NARS2: variants seen among roughly 807,000 people sequenced by gnomAD.
NARS2 encodes asparaginyl-tRNA synthetase 2, mitochondrial, also known as asparaginyl-tRNA synthetase.
Under a neutral mutation model 62.9 loss-of-function variants are expected in NARS2, and 60 were observed. The observed-to-expected ratio is 0.95, with a 90% CI of 0.77 to 1.18. NARS2 has a LOEUF of 1.18. Ranked by LOEUF, NARS2 falls within the 50% of genes most tolerant of loss-of-function variation. The pLI, the probability that NARS2 is intolerant of heterozygous loss-of-function variation, is 0.00. For missense variants in NARS2, 619 were observed against 576.4 expected (o/e 1.07, Z -0.76); for synonymous variants, 196 against 200.0 (o/e 0.98, Z 0.17).
rs532088269 is a variant in NARS2, at chr11:78,472,328, C to A, written c.960-3015G>T. On this transcript the variant is annotated intron_variant, in intron 9 of 13. Transcript: ENST00000281038. Reference sequence around the variant, plus strand: ...GAATGATACAGCATCAAACTACCTTCATATTCCACATTTTTCATTGCTGAA... The same window carrying A: ...GAATGATACAGCATCAAACTACCTTAATATTCCACATTTTTCATTGCTGAA... 1.2e-4 allele frequency among the ~76,000 whole-genome samples: 19 copies of A among 152,292 alleles called. No homozygotes were observed. The South Asian group carries it at 3.5e-3, about 28-fold the overall frequency.
intron 9 of NARS2, 26 bp downstream of exon 9, chr11:78,478,412 G>A (rs1248913922): frequency 3.1e-6 from 3 of 960,430 alleles, no homozygotes; most frequent in African/African-American, 1.7e-5. Context: ...AATGAATAAA[G>A]TTCAAAAAGT....
chr11:78,453,023 G>A (rs775077063), intron 11 of NARS2, among the ~76,000 whole-genome samples: 1 of 152,220 alleles, frequency 6.6e-6, no homozygotes, highest in South Asian at 2.1e-4. Flanking sequence ...ACTGGTTGCA[G>A]AGCAAAACTT....
intron 5 of NARS2, among the ~76,000 whole-genome samples, chr11:78,535,047 A>G (rs762375939): frequency 1.3e-5 from 2 of 152,264 alleles, no homozygotes; most frequent in South Asian, 2.1e-4. Flanking sequence ...ACAGACTTTC[A>G]CATATAAAAG....
At chr11:78,527,877 A>G (rs1861346259) in intron 6 of NARS2, among the ~76,000 whole-genome samples, 1 of 152,186 alleles carries the variant, frequency 6.6e-6, no homozygotes, top group East Asian at 1.9e-4. Context: ...TGGGAGGCTG[A>G]GGCGGAAGAA....
At chr11:78,562,293 A>C (rs1856584057) in intron 4 of NARS2, among the ~76,000 whole-genome samples, 1 of 151,966 alleles carries the variant, frequency 6.6e-6, no homozygotes, top group Admixed American at 6.6e-5. Context: ...AGCCAGGCAC[A>C]GTGGTGCATG....
intron 11 of NARS2, among the ~76,000 whole-genome samples, chr11:78,459,246 G>A (rs532101542): frequency 9.4e-5 from 14 of 148,310 alleles, no homozygotes; most frequent in Admixed American, 5.4e-4. Flanking sequence ...TTTTTTTGTC[G>A]TTGTTTTTTT....
intron 13 of NARS2, among the ~76,000 whole-genome samples, chr11:78,438,557 CTG>C (rs1324074194): frequency 6.6e-6 from 1 of 152,146 alleles, no homozygotes; most frequent in Non-Finnish European, 1.5e-5. Context: ...TATCTGCAAA[CTG>C]TCAGCAGAGG....
At chr11:78,498,563 C>T (rs967071535) in intron 6 of NARS2, among the ~76,000 whole-genome samples, 19 of 152,076 alleles carry the variant, frequency 1.2e-4, no homozygotes, top group Non-Finnish European at 2.2e-4. Flanking sequence ...TATCCATCTG[C>T]TTATTTGGTC....
chr11:78,448,939 A>G (rs1857862578), intron 11 of NARS2, among the ~76,000 whole-genome samples: 1 of 152,158 alleles, frequency 6.6e-6, no homozygotes, highest in Non-Finnish European at 1.5e-5. Context: ...TTTTAATGCT[A>G]TGTTTAAAGG....
intron 6 of NARS2, among the ~76,000 whole-genome samples, chr11:78,508,587 CAA>C (rs796557623): frequency 1.7e-5 from 1 of 57,760 alleles, no homozygotes; most frequent in Admixed American, 2.0e-4. Context: ...GACTCCATCT[CAA>C]AAAAAAAAAA....
At chr11:78,503,812 A>T (rs1860378008) in intron 6 of NARS2, among the ~76,000 whole-genome samples, 1 of 152,158 alleles carries the variant, frequency 6.6e-6, no homozygotes, top group Admixed American at 6.5e-5. Context: ...ATCCCTCTTC[A>T]TTTTCCCTGA....
intron 6 of NARS2, among the ~76,000 whole-genome samples, chr11:78,527,003 G>C (rs776308210): frequency 6.6e-5 from 10 of 152,106 alleles, no homozygotes; most frequent in Non-Finnish European, 8.8e-5. Flanking sequence ...AAATGTACTT[G>C]TTCCATTAGT....
chr11:78,456,893 T>C (rs769897908), intron 11 of NARS2, among the ~76,000 whole-genome samples: 17 of 152,262 alleles, frequency 1.1e-4, no homozygotes, highest in Admixed American at 7.9e-4. Flanking sequence ...CCATGATCTG[T>C]CCCTTTCAAA....
At chr11:78,555,265 TC>T (rs1856307407) in intron 5 of NARS2, 1 of 152,144 alleles carries the variant, frequency 6.6e-6, no homozygotes, top group Admixed American at 6.5e-5. Context: ...GAGGAGAAGT[TC>T]CCCCTCCATA....
At position 78,512,383 on chromosome 11, in the gene NARS2, G is replaced by C. The variant is rs555659748; in HGVS notation, c.689+16459C>G. Among the ~76,000 whole-genome samples the C allele has an allele frequency of 1.0e-3, 154 of 152,228 alleles. 1 individual carries two copies. The highest frequency in any genetic ancestry group is 3.5e-3 in the African/African-American group (145 of 41,526). ...CTACCTTGGCTTTTCTCTGCAACTA[G>C]TCCTTTATAATTCACCCAAGGTTCT... On this transcript the variant is annotated intron_variant, in intron 6 of 13. Transcript: ENST00000281038.
intron 11 of NARS2, among the ~76,000 whole-genome samples, chr11:78,457,481 G>A (rs1384489206): frequency 6.6e-6 from 1 of 152,194 alleles, no homozygotes; most frequent in African/African-American, 2.4e-5. Flanking sequence ...ATGAGGGATA[G>A]AAGCAGGCAC....
chr11:78,532,498 A>C (rs1167565316), intron 5 of NARS2, among the ~76,000 whole-genome samples: 2 of 152,218 alleles, frequency 1.3e-5, no homozygotes, highest in Non-Finnish European at 2.9e-5. Flanking sequence ...CAAATGGCTA[A>C]TGTGAAAATA....
chr11:78,527,976 G>A (rs1016436131), intron 6 of NARS2, among the ~76,000 whole-genome samples: 4 of 152,146 alleles, frequency 2.6e-5, no homozygotes, highest in African/African-American at 9.7e-5. Context: ...TAAGTGTGCT[G>A]GCACATGCCT....
At chr11:78,470,170 G>T (rs1858807750) in intron 9 of NARS2, among the ~76,000 whole-genome samples, 1 of 152,090 alleles carries the variant, frequency 6.6e-6, no homozygotes, top group Admixed American at 6.5e-5. Context: ...TCATAGTAAG[G>T]GCCTGGTAAT....
Sources: allele counts gnomAD v4.1 joint callset (sites outside exome capture counted in the v4.1 genomes callset), GRCh38; gene constraint gnomAD v4.1.1; transcripts MANE v1.5; gene names NCBI Gene and HGNC (gene_info 2026-07-23, HGNC 2026-07-21).